AGBL4: variants seen among roughly 807,000 people sequenced by gnomAD.
The protein encoded by AGBL4 is cytosolic carboxypeptidase 6.
AGBL4 carries 58 observed loss-of-function variants against 66.4 expected under a neutral mutation model. That is an observed-to-expected ratio of 0.87 (90% CI 0.71 to 1.09). AGBL4 has a LOEUF of 1.09. Ranked by LOEUF, AGBL4 falls within the 50% of genes least tolerant of loss-of-function variation. The pLI is 0.00. For synonymous variants in AGBL4, 234 were observed against 222.9 expected (o/e 1.05, Z -0.44); for missense variants, 579 against 631.0 (o/e 0.92, Z 0.88).
chr1:49,060,646 G>A (rs1644386438), intron 4 of AGBL4, among the ~76,000 whole-genome samples: 1 of 152,100 alleles, frequency 6.6e-6, no homozygotes, highest in African/African-American at 2.4e-5. Flanking sequence ...GTTACAGATT[G>A]TCCACCTGCA....
At chr1:48,884,926 G>GAA (rs1431011329) in intron 5 of AGBL4, among the ~76,000 whole-genome samples, 24 of 145,430 alleles carry the variant, frequency 1.7e-4, no homozygotes, top group Non-Finnish European at 9.0e-5. Flanking sequence ...AAGAAAGAAA[G>GAA]AGAGAGAGCA....
chr1:48,918,768 C>T (rs948731131), intron 5 of AGBL4, among the ~76,000 whole-genome samples: 1 of 152,166 alleles, frequency 6.6e-6, no homozygotes, highest in African/African-American at 2.4e-5. Flanking sequence ...CCATAGTAGC[C>T]TGGACTAAGA....
intron 6 of AGBL4, among the ~76,000 whole-genome samples, chr1:48,833,288 A>T (rs973508843): frequency 3.9e-5 from 6 of 152,182 alleles, no homozygotes; most frequent in Non-Finnish European, 7.3e-5. Context: ...TAGATACTAG[A>T]GGGAAGGCAA....
At chr1:49,919,755 A>C (rs1216223410) in intron 1 of AGBL4, among the ~76,000 whole-genome samples, 3 of 152,102 alleles carry the variant, frequency 2.0e-5, no homozygotes, top group Non-Finnish European at 2.9e-5. Flanking sequence ...GTTCATATGG[A>C]ACCAAAAAAG....
intron 6 of AGBL4, among the ~76,000 whole-genome samples, chr1:48,671,415 G>C (rs1438978964): frequency 6.6e-6 from 1 of 152,218 alleles, no homozygotes; most frequent in Non-Finnish European, 1.5e-5. Flanking sequence ...TATTCAAACT[G>C]GCCAGTGGAG....
At chr1:49,543,546 G>A (rs1652233861) in intron 3 of AGBL4, among the ~76,000 whole-genome samples, 1 of 152,058 alleles carries the variant, frequency 6.6e-6, no homozygotes, top group Admixed American at 6.5e-5. Flanking sequence ...ATGTTGTAAG[G>A]AGCCGAGAAT....
At chr1:49,773,019 T>C (rs1368123870) in intron 2 of AGBL4, among the ~76,000 whole-genome samples, 2 of 152,186 alleles carry the variant, frequency 1.3e-5, no homozygotes, top group Non-Finnish European at 2.9e-5. Flanking sequence ...CTGTAGGCCT[T>C]CTTCATTCTT....
intron 3 of AGBL4, among the ~76,000 whole-genome samples, chr1:49,251,704 C>T (rs1652081835): frequency 2.0e-5 from 3 of 152,178 alleles, no homozygotes; most frequent in African/African-American, 4.8e-5. Flanking sequence ...GATGCTGTAC[C>T]TCAGTTCCCC....
chr1:48,844,073 A>C (rs1051996548), intron 6 of AGBL4, among the ~76,000 whole-genome samples: 8 of 152,044 alleles, frequency 5.3e-5, no homozygotes, highest in Non-Finnish European at 1.0e-4. Context: ...GCCCCCCAAC[A>C]CCAGCCATGC....
At chr1:49,458,050 C>T (rs1452047379) in intron 3 of AGBL4, among the ~76,000 whole-genome samples, 1 of 151,368 alleles carries the variant, frequency 6.6e-6, no homozygotes, top group African/African-American at 2.4e-5. Context: ...TTTTTGGCTC[C>T]ATATGAATTT....
chr1:49,593,264 G>A (rs1464266729), intron 3 of AGBL4, among the ~76,000 whole-genome samples: 3 of 152,138 alleles, frequency 2.0e-5, no homozygotes, highest in East Asian at 1.9e-4. Context: ...AAAATTAGCC[G>A]GGTGTGGTGG....
intron 3 of AGBL4, among the ~76,000 whole-genome samples, chr1:49,568,601 C>T (rs764807287): frequency 4.6e-5 from 7 of 151,154 alleles, no homozygotes; most frequent in Admixed American, 4.6e-4. Context: ...AAATTCAATG[C>T]TATCCCTATC....
rs41289226 is a variant in AGBL4, at chr1:48,653,455, G to A, written c.725-4C>T. Reference sequence around the variant, plus strand: ...CTTACAAGGAAGTCAATGATCCCTAGGGAAAGAGAAGAGCCCGGTTTAACA... The same window carrying A: ...CTTACAAGGAAGTCAATGATCCCTAAGGAAAGAGAAGAGCCCGGTTTAACA... On this transcript the variant is annotated splice_region_variant and splice_polypyrimidine_tract_variant and intron_variant, in intron 7 of 13. Coordinates refer to ENST00000371839, the MANE Select transcript of AGBL4 (RefSeq NM_032785.4). 0.026 allele frequency: 39,864 copies of A among 1,558,102 alleles called. 575 individuals carry two copies. Among genetic ancestry groups the A allele is most frequent in the South Asian group, 0.047 (3,967 of 83,786 alleles).
chr1:49,633,191 A>G (rs1362947013), intron 3 of AGBL4, among the ~76,000 whole-genome samples: 4 of 152,210 alleles, frequency 2.6e-5, no homozygotes, highest in Non-Finnish European at 5.9e-5. Flanking sequence ...CCATTGATAA[A>G]CCTAGATCAG....
At chr1:49,484,702 T>C (rs1463455385) in intron 3 of AGBL4, among the ~76,000 whole-genome samples, 1 of 151,902 alleles carries the variant, frequency 6.6e-6, no homozygotes, top group African/African-American at 2.4e-5. Context: ...AGAGTGACTA[T>C]AGTCAATAAT....
At chr1:49,435,113 T>G (rs757820429) in intron 3 of AGBL4, among the ~76,000 whole-genome samples, 2 of 152,236 alleles carry the variant, frequency 1.3e-5, no homozygotes, top group Non-Finnish European at 2.9e-5. Flanking sequence ...TATATTCTTT[T>G]GCTTCAGAGC....
intron 5 of AGBL4, among the ~76,000 whole-genome samples, chr1:48,916,449 C>T (rs1653591246): frequency 6.6e-6 from 1 of 152,110 alleles, no homozygotes; most frequent in Non-Finnish European, 1.5e-5. Flanking sequence ...TACTCCACAG[C>T]TTCAGATTGA....
rs2148893111 is a variant in AGBL4 at position 48,922,252 on chromosome 1, G to T, written c.595-55022C>A. 1.3e-5 allele frequency among the ~76,000 whole-genome samples: 2 copies of T among 152,240 alleles called. 1 individual carries two copies. The highest frequency in any genetic ancestry group is 6.8e-3 in the Middle Eastern group (2 of 294). ...TATTAAGACTTTTCTCATTTGTTAT[G>T]CACAGAAAGGTGGCTCATGACAAAG... On this transcript the variant is annotated intron_variant, in intron 5 of 13. Transcript: ENST00000371839.
chr1:49,997,055 T>C (rs893504260), intron 1 of AGBL4, among the ~76,000 whole-genome samples: 15 of 151,480 alleles, frequency 9.9e-5, no homozygotes, highest in African/African-American at 3.6e-4. Flanking sequence ...CTAAAAGGAG[T>C]TCTAAATCTT....
Sources: allele counts gnomAD v4.1 joint callset (sites outside exome capture counted in the v4.1 genomes callset), GRCh38; gene constraint gnomAD v4.1.1; transcripts MANE v1.5; gene names NCBI Gene and HGNC (gene_info 2026-07-23, HGNC 2026-07-21).